The following TSC22D1 variants were observed in gnomAD, a reference collection of about 807,000 sequenced individuals.
The protein encoded by TSC22D1 is TSC22 domain family member 1, also known as TSC22 domain family protein 1.
A neutral mutation model predicts 74.2 loss-of-function variants in TSC22D1; 9 were observed. That is an observed-to-expected ratio of 0.12 (90% confidence interval 0.07 to 0.21). The LOEUF (loss-of-function observed/expected upper bound fraction) is 0.21, where lower values mean the gene tolerates loss of function less well. Ranked by LOEUF, TSC22D1 falls within the 10% of genes least tolerant of loss-of-function variation. The probability of loss-of-function intolerance (pLI) is 1.00; values close to 1 mark genes in which losing one functional copy is unlikely to be tolerated. For missense variants in TSC22D1, 1,427 were observed against 1,304.7 expected, an observed-to-expected ratio of 1.09 and a Z score of -1.44; for synonymous variants, 586 against 492.5, an observed-to-expected ratio of 1.19 and a Z score of -2.51.
intron 1 of TSC22D1, among the ~76,000 whole-genome samples, chr13:44,446,390 G>T (rs1875644750): frequency 6.6e-6 from 1 of 151,900 alleles, no homozygotes; most frequent in East Asian, 1.9e-4. Flanking sequence ...ATGGGTGATG[G>T]AACTATCTCA....
intron 1 of TSC22D1, among the ~76,000 whole-genome samples, chr13:44,458,758 TGTCCGACCAGGTGTGTG>T (rs1312307457): frequency 2.6e-5 from 4 of 152,318 alleles, no homozygotes; most frequent in Non-Finnish European, 5.9e-5. Context: ...GCCTGGGCGC[TGTCCGACCAGGTGTGTG>T]TGTGCGCTCG....
chr13:44,479,345 T>G (rs1878073386), intron 1 of TSC22D1, among the ~76,000 whole-genome samples: 1 of 145,584 alleles, frequency 6.9e-6, no homozygotes, highest in African/African-American at 2.5e-5. Context: ...TTTTTTTAGC[T>G]CACCAGCTAT....
intron 1 of TSC22D1, among the ~76,000 whole-genome samples, chr13:44,550,795 A>G (rs1268903002): frequency 6.6e-6 from 1 of 151,974 alleles, no homozygotes. Context: ...ATTTAATATT[A>G]GCCAAGTGTG....
chr13:44,446,803 A>ACGAGGAGGAAG (rs1566115894), intron 1 of TSC22D1, among the ~76,000 whole-genome samples: 3 of 140,286 alleles, frequency 2.1e-5, no homozygotes, highest in Non-Finnish European at 4.6e-5. Context: ...GGAGGAGGAA[A>ACGAGGAGGAAG]AGGAGGAGGA....
At chr13:44,435,939 G>A (rs750475122) in intron 2 of TSC22D1, 105 bp downstream of exon 2, 77 of 1,176,972 alleles carry the variant, frequency 6.5e-5, no homozygotes, top group Middle Eastern at 1.9e-4. Context: ...CGCGCATCAA[G>A]AGCAATCATC....
intron 1 of TSC22D1, among the ~76,000 whole-genome samples, chr13:44,534,815 G>A (rs1881053698): frequency 6.6e-6 from 1 of 152,124 alleles, no homozygotes; most frequent in Admixed American, 6.5e-5. Context: ...ACAGCCAAAA[G>A]GAGATTGTAC....
chr13:44,559,302 T>A (rs1448886218), intron 1 of TSC22D1, among the ~76,000 whole-genome samples: 1 of 152,184 alleles, frequency 6.6e-6, no homozygotes, highest in Non-Finnish European at 1.5e-5. Context: ...CCACACCTTG[T>A]ACCCAAAGGA....
At chr13:44,556,387 A>G (rs767012168) in intron 1 of TSC22D1, among the ~76,000 whole-genome samples, 14 of 151,966 alleles carry the variant, frequency 9.2e-5, no homozygotes, top group Non-Finnish European at 1.8e-4. Flanking sequence ...TCTTAAAAAA[A>G]ATACAAAAAT....
chr13:44,432,874 C>T lies in TSC22D1; in HGVS notation c.*1752G>A, dbSNP rs1874165537. ...AGAGTGGGATCCCTCAGGCTCACTCCTCAGGTGCCAGGGGCCAATCTGCCT... is the reference window on the plus strand; with the variant it reads ...AGAGTGGGATCCCTCAGGCTCACTCTTCAGGTGCCAGGGGCCAATCTGCCT... On this transcript the variant is annotated 3_prime_UTR_variant, in exon 3 of 3. Coordinates refer to ENST00000458659, the MANE Select transcript of TSC22D1 (RefSeq NM_183422.4). The T allele has an allele frequency of 6.6e-6, 1 of 152,226 alleles. No individual in the cohort carries two copies. Among genetic ancestry groups the T allele is most frequent in the South Asian group, 2.1e-4 (1 of 4,832 alleles). The allele number at this position is 152,226 out of a possible 1,614,324, so 9.4% of individuals were successfully genotyped here.
At chr13:44,517,857 A>ATATATATATTTATTTTTTTTT (rs10627677) in intron 1 of TSC22D1, among the ~76,000 whole-genome samples, 1 of 16,178 alleles carries the variant, frequency 6.2e-5, no homozygotes, top group Non-Finnish European at 1.4e-4. Flanking sequence ...ATATATATAT[A>ATATATATATTTATTTTTTTTT]TTTTTTTTTT....
intron 1 of TSC22D1, among the ~76,000 whole-genome samples, chr13:44,554,223 A>T (rs1182719814): frequency 6.6e-6 from 1 of 152,212 alleles, no homozygotes; most frequent in Admixed American, 6.5e-5. Context: ...TATGGAAATC[A>T]GGCTTAAAAA....
At chr13:44,490,510 C>CA (rs973305760) in intron 1 of TSC22D1, among the ~76,000 whole-genome samples, 3 of 151,094 alleles carry the variant, frequency 2.0e-5, no homozygotes, top group African/African-American at 4.9e-5. Context: ...AATGTTCAAC[C>CA]AAAAAAATCA....
chr13:44,447,968 C>T (rs1875824539), intron 1 of TSC22D1, among the ~76,000 whole-genome samples: 2 of 150,330 alleles, frequency 1.3e-5, no homozygotes, highest in African/African-American at 4.9e-5. Context: ...TCTTATTTTA[C>T]TTTTTATCTT....
chr13:44,476,646 C>T (rs779941510), intron 1 of TSC22D1, among the ~76,000 whole-genome samples: 36 of 152,244 alleles, frequency 2.4e-4, no homozygotes, highest in Non-Finnish European at 4.4e-4. Context: ...TTAGTAATTA[C>T]AATCTACATT....
chr13:44,456,354 T>C (rs969226941), intron 1 of TSC22D1, among the ~76,000 whole-genome samples: 1 of 152,200 alleles, frequency 6.6e-6, no homozygotes, highest in Non-Finnish European at 1.5e-5. Flanking sequence ...GATTGGTCCA[T>C]TTTACAGAGT....
intron 1 of TSC22D1, among the ~76,000 whole-genome samples, chr13:44,547,720 A>G (rs549092546): frequency 2.0e-4 from 30 of 152,304 alleles, no homozygotes; most frequent in African/African-American, 7.0e-4. Flanking sequence ...GTAAATATTC[A>G]TAACTTTTTG....
At chr13:44,552,610 T>A (rs1232812470) in intron 1 of TSC22D1, among the ~76,000 whole-genome samples, 1 of 152,230 alleles carries the variant, frequency 6.6e-6, no homozygotes, top group African/African-American at 2.4e-5. Flanking sequence ...TTCTTTAACA[T>A]CTGCCAGATC....
intron 1 of TSC22D1, among the ~76,000 whole-genome samples, chr13:44,490,935 A>AT (rs1555267384): frequency 2.9e-5 from 2 of 68,624 alleles, no homozygotes; most frequent in South Asian, 6.1e-4. Flanking sequence ...CTCATTAAAA[A>AT]AAATATATAT....
chr13:44,507,086 C>A (rs1176283731), intron 1 of TSC22D1, among the ~76,000 whole-genome samples: 6 of 152,158 alleles, frequency 3.9e-5, no homozygotes, highest in Admixed American at 3.3e-4. Flanking sequence ...TATCTCAGCA[C>A]AGGGCAATGG....
Sources: gnomAD v4.1 joint callset for allele counts (sites outside exome capture counted in the v4.1 genomes callset) on GRCh38, gnomAD v4.1.1 for gene constraint, MANE v1.5 for transcripts, NCBI Gene and HGNC (gene_info 2026-07-23, HGNC 2026-07-21) for gene names.